Variants in CD47 observed in about 807,000 individuals in gnomAD.
The protein encoded by CD47 is leukocyte surface antigen CD47.
A neutral mutation model predicts 44.6 loss-of-function variants in CD47; 11 were observed. The observed-to-expected ratio is 0.25, with a 90% CI of 0.16 to 0.41. CD47 has a LOEUF of 0.41. CD47 is among the 10% of genes least tolerant of loss of function. CD47 has a pLI of 1.00. For missense variants in CD47, 306 were observed against 386.7 expected, an observed-to-expected ratio of 0.79 and a Z score of 1.75; for synonymous variants, 140 against 136.3, an observed-to-expected ratio of 1.03 and a Z score of -0.19.
chr3:108,058,531 G>T, intron 5 of CD47, 102 bp from the exon 6 acceptor site: 1 of 684,010 alleles, frequency 1.5e-6, no homozygotes, highest in Non-Finnish European at 2.4e-6. Flanking sequence ...TAAGACCAAA[G>T]ACTGACTCTG....
chr3:108,072,834 G>C (rs184106878), intron 2 of CD47, among the ~76,000 whole-genome samples: 12 of 152,116 alleles, frequency 7.9e-5, no homozygotes, highest in Admixed American at 4.6e-4. Context: ...CTGTGCTTTT[G>C]TTTTTAATTG....
In CD47 at chr3:108,089,382, C is replaced by T. The variant is rs113686194; in HGVS notation, c.46+1481G>A. 5.1e-3 allele frequency among the ~76,000 whole-genome samples: 784 copies of T among 152,254 alleles called. 2 individuals are homozygous for T. The highest frequency in any genetic ancestry group is 0.017 in the African/African-American group (713 of 41,536). Reference sequence around the variant, plus strand: ...AAATCCTATCACTCAAAGTACCATTCCAACAGTTCTAAACTACGTGATTTA... The same window carrying T: ...AAATCCTATCACTCAAAGTACCATTTCAACAGTTCTAAACTACGTGATTTA... On this transcript the variant is annotated intron_variant, in intron 1 of 10. Transcript: ENST00000361309.
chr3:108,070,617 CA>C (rs1458241806), intron 3 of CD47, among the ~76,000 whole-genome samples: 1 of 152,096 alleles, frequency 6.6e-6, no homozygotes. Flanking sequence ...CAGAGGATGA[CA>C]AAACATAGTT....
chr3:108,061,363 AC>A (rs1171144637), intron 3 of CD47, among the ~76,000 whole-genome samples: 3 of 152,096 alleles, frequency 2.0e-5, no homozygotes, highest in African/African-American at 7.2e-5. Context: ...GGGTTAATTA[AC>A]AATATTGAGA....
Position 108,069,528 on chromosome 3 carries a change from TTA to T in CD47, c.490+1563_490+1564del, listed in dbSNP as rs1553726375. ...ACAGATGAGTTTTTTTTTTTTTTTT[TTA>T]AATAACTCCCTACTTTGTACGAGGT... On this transcript the variant is annotated intron_variant, in intron 3 of 10. Transcript: ENST00000361309. Among the ~76,000 whole-genome samples the T allele has an allele frequency of 2.9e-3, 444 of 151,636 alleles. 5 individuals are homozygous for T. The highest frequency in any genetic ancestry group is 0.01 in the African/African-American group (425 of 41,324).
intron 8 of CD47, among the ~76,000 whole-genome samples, chr3:108,051,253 T>C (rs989587908): frequency 1.3e-5 from 2 of 152,220 alleles, no homozygotes; most frequent in African/African-American, 2.4e-5. Context: ...AAGTACAATA[T>C]AATCCTTTCC....
intron 10 of CD47, among the ~76,000 whole-genome samples, chr3:108,047,503 CAG>C (rs1490235500): frequency 2.6e-5 from 4 of 152,196 alleles, no homozygotes; most frequent in Non-Finnish European, 4.4e-5. Flanking sequence ...AAAAAATCAA[CAG>C]AGTCTGATAA....
At chr3:108,076,405 G>C (rs923045203) in intron 2 of CD47, among the ~76,000 whole-genome samples, 41 of 152,116 alleles carry the variant, frequency 2.7e-4, no homozygotes, top group Non-Finnish European at 4.4e-5. Context: ...ATTGCTAATA[G>C]AACAGAAATA....
At chr3:108,065,001 T>C (rs1446112745) in intron 3 of CD47, among the ~76,000 whole-genome samples, 1 of 152,152 alleles carries the variant, frequency 6.6e-6, no homozygotes, top group African/African-American at 2.4e-5. Flanking sequence ...AACACACACA[T>C]GCATACACAA....
intron 7 of CD47, among the ~76,000 whole-genome samples, 170 bp downstream of exon 7, chr3:108,057,307 G>C (rs915888074): frequency 1.8e-4 from 27 of 152,004 alleles, no homozygotes; most frequent in African/African-American, 6.5e-4. Flanking sequence ...TAAACTGGAA[G>C]AACCAACTAA....
chr3:108,071,644 C>T (rs893394054), intron 2 of CD47, among the ~76,000 whole-genome samples: 1 of 152,170 alleles, frequency 6.6e-6, no homozygotes, highest in Non-Finnish European at 1.5e-5. Flanking sequence ...TAATAAACTA[C>T]ATGCAAAGGG....
At chr3:108,082,989 A>G (rs2079446273) in intron 1 of CD47, among the ~76,000 whole-genome samples, 1 of 152,042 alleles carries the variant, frequency 6.6e-6, no homozygotes, top group Non-Finnish European at 1.5e-5. Flanking sequence ...ATTAAGTAGT[A>G]AAACTGTCTG....
intron 10 of CD47, among the ~76,000 whole-genome samples, 156 bp from the exon 11 acceptor site, chr3:108,047,448 G>C (rs1284868246): frequency 2.0e-5 from 3 of 152,136 alleles, no homozygotes; most frequent in African/African-American, 7.2e-5. Context: ...CAAATCATTA[G>C]CCTTTTTAAT....
chr3:108,051,625 T>C, intron 8 of CD47: 1 of 489,098 alleles, frequency 2.0e-6, no homozygotes, highest in Non-Finnish European at 4.0e-6. Context: ...ATCCAACAGG[T>C]GAGGTGATAT....
At position 108,043,365 on chromosome 3, in the gene CD47, T is replaced by C. The variant is rs1467752752; in HGVS notation, c.*3923A>G. On this transcript the variant is annotated 3_prime_UTR_variant, in exon 11 of 11. Coordinates refer to ENST00000361309, the MANE Select transcript of CD47 (RefSeq NM_001777.4). ...TAATATTTACAAAGTTATGTTTTTT[T>C]TTAAATAAAAAAGTACCTTGGCAAA... 6.6e-6 allele frequency: 1 copy of C among 152,418 alleles called. No individual in the cohort carries two copies. The highest frequency in any genetic ancestry group is 2.4e-5 in the African/African-American group (1 of 41,402). The allele number at this position is 152,418 out of a possible 1,614,324, so 9.4% of individuals were successfully genotyped here. A position where few individuals can be genotyped will look rare whatever the true frequency, so the allele number is the denominator to read the frequency against.
At chr3:108,084,090 T>TA (rs112133363) in intron 1 of CD47, among the ~76,000 whole-genome samples, 24 of 151,742 alleles carry the variant, frequency 1.6e-4, no homozygotes, top group Admixed American at 8.5e-4. Flanking sequence ...TTTGCCAACT[T>TA]AAAAAAAATC....
rs1338811197 is a variant in CD47 at position 108,090,846 on chromosome 3, A to G, written c.46+17T>C. On this transcript the variant is annotated intron_variant, in intron 1 of 10. Coordinates refer to ENST00000361309, the MANE Select transcript of CD47 (RefSeq NM_001777.4). Reference sequence around the variant, plus strand: ...AAGCGACAGCAGCCGCAGGGCTGGGAGCGAGGAGCCACTCACCGCAGCACG... The same window carrying G: ...AAGCGACAGCAGCCGCAGGGCTGGGGGCGAGGAGCCACTCACCGCAGCACG... 1 of 1,485,604 alleles carries G rather than the reference A, an allele frequency of 6.7e-7. No homozygotes were observed. The highest frequency in any genetic ancestry group is 2.2e-5 in the Admixed American group (1 of 46,234). The allele number at this position is 1,485,604 out of a possible 1,614,324, so 92.0% of individuals were successfully genotyped here. A position where few individuals can be genotyped will look rare whatever the true frequency, so the allele number is the denominator to read the frequency against.
intron 3 of CD47, among the ~76,000 whole-genome samples, chr3:108,064,007 C>T (rs1233520214): frequency 6.6e-6 from 1 of 152,078 alleles, no homozygotes; most frequent in Non-Finnish European, 1.5e-5. Context: ...TAATTAGTAA[C>T]CAAAAGCAGG....
intron 10 of CD47, among the ~76,000 whole-genome samples, chr3:108,048,520 G>A (rs1190213357): frequency 6.6e-6 from 1 of 151,874 alleles, no homozygotes; most frequent in Non-Finnish European, 1.5e-5. Context: ...AAGTAGCTGG[G>A]ACCACAGGTG....
Sources: allele counts gnomAD v4.1 joint callset (sites outside exome capture counted in the v4.1 genomes callset), GRCh38; gene constraint gnomAD v4.1.1; transcripts MANE v1.5; gene names NCBI Gene and HGNC (gene_info 2026-07-23, HGNC 2026-07-21).